Variants in SGPL1 observed in about 807,000 individuals in gnomAD.
SGPL1 encodes SP-lyase 1.
In SGPL1, 37 loss-of-function variants were observed where a neutral mutation model predicts 68.9. The observed-to-expected ratio is 0.54, with a 90% confidence interval of 0.41 to 0.71. The LOEUF (loss-of-function observed/expected upper bound fraction) is 0.71, where lower values mean the gene tolerates loss of function less well. Ranked by LOEUF, SGPL1 falls within the 30% of genes least tolerant of loss-of-function variation. The pLI is 0.00. For missense variants in SGPL1, 551 were observed against 704.6 expected (o/e 0.78, Z 2.47); for synonymous variants, 236 against 248.5 (o/e 0.95, Z 0.47).
chr10:70,818,365 C>T (rs1845277208), intron 2 of SGPL1, among the ~76,000 whole-genome samples: 1 of 152,230 alleles, frequency 6.6e-6, no homozygotes, highest in African/African-American at 2.4e-5. Flanking sequence ...GGTGATCCAC[C>T]TGCCTTGGTC....
intron 2 of SGPL1, among the ~76,000 whole-genome samples, chr10:70,841,758 C>T (rs981189218): frequency 6.6e-6 from 1 of 152,112 alleles, no homozygotes; most frequent in African/African-American, 2.4e-5. Context: ...TTTTTCTAAG[C>T]TTTCATGTTC....
intron 5 of SGPL1, 74 bp from the exon 6 acceptor site, chr10:70,857,530 AGTTTCTTCCT>A (rs1845984768): frequency 2.8e-6 from 3 of 1,065,766 alleles, no homozygotes; most frequent in Non-Finnish European, 4.3e-6. Context: ...TATCCAGAGG[AGTTTCTTCCT>A]GTTTCTTCTT....
chr10:70,835,735 C>CAA (rs66962270), intron 2 of SGPL1, among the ~76,000 whole-genome samples: 1,287 of 70,062 alleles, frequency 0.018, 17 homozygotes, highest in Non-Finnish European at 0.029. Context: ...GACTCCGTCT[C>CAA]AAAAAAAAAA....
chr10:70,855,843 A>G (rs1381243108), intron 5 of SGPL1, among the ~76,000 whole-genome samples: 1 of 152,214 alleles, frequency 6.6e-6, no homozygotes, highest in Non-Finnish European at 1.5e-5. Context: ...AAACTAAAAA[A>G]TTAACATTGG....
intron 10 of SGPL1, among the ~76,000 whole-genome samples, chr10:70,871,520 C>T (rs1319153329): frequency 6.6e-6 from 1 of 152,180 alleles, no homozygotes; most frequent in Non-Finnish European, 1.5e-5. Context: ...GTGACTGAGG[C>T]AGGACCTTTC....
chr10:70,874,319 G>A (rs186081242), intron 12 of SGPL1, among the ~76,000 whole-genome samples: 3 of 152,262 alleles, frequency 2.0e-5, no homozygotes, highest in South Asian at 2.1e-4. Flanking sequence ...CGGTGGCTCC[G>A]GCCTGTAATC....
intron 7 of SGPL1, chr10:70,866,803 C>T (rs1277916587): frequency 6.6e-6 from 1 of 152,228 alleles, no homozygotes; most frequent in Non-Finnish European, 1.5e-5. Flanking sequence ...TCACATGTTT[C>T]ATAAAGACTT....
At chr10:70,867,633 T>C (rs916914100) in intron 7 of SGPL1, among the ~76,000 whole-genome samples, 10 of 151,922 alleles carry the variant, frequency 6.6e-5, no homozygotes, top group Non-Finnish European at 2.9e-5. Flanking sequence ...GAATTTGTCA[T>C]GAACAGACTG....
At position 70,880,007 on chromosome 10, in the gene SGPL1, ATC is replaced by A. The variant is rs1355454271; in HGVS notation, c.*2676_*2677del. The A allele has an allele frequency of 5.9e-5, 9 of 152,530 alleles. No homozygotes were observed. The highest frequency in any genetic ancestry group is 3.3e-4 in the Admixed American group (5 of 15,284). 9.4% of individuals were successfully genotyped at this position (152,530 alleles called of 1,614,324 possible). A position where few individuals can be genotyped will look rare whatever the true frequency, so the allele number is the denominator to read the frequency against. ...GGAAAATGGTACTTGCTTCTTTTAA[ATC>A]TCTGTCTTCTCTAACCTCCCCCTTC... On this transcript the variant is annotated 3_prime_UTR_variant, in exon 15 of 15. Coordinates refer to ENST00000373202, the MANE Select transcript of SGPL1 (RefSeq NM_003901.4).
intron 5 of SGPL1, among the ~76,000 whole-genome samples, chr10:70,856,404 A>G (rs549638702): frequency 6.6e-6 from 1 of 152,234 alleles, no homozygotes; most frequent in South Asian, 2.1e-4. Context: ...AGTGGTTAGC[A>G]CTCTAAAACC....
intron 7 of SGPL1, among the ~76,000 whole-genome samples, chr10:70,863,139 A>G (rs948790734): frequency 2.6e-5 from 4 of 152,008 alleles, no homozygotes; most frequent in African/African-American, 9.7e-5. Context: ...GGCATGCACC[A>G]CCATGCCTCG....
chr10:70,861,109 A>T (rs1394569022), intron 7 of SGPL1, among the ~76,000 whole-genome samples: 1 of 150,656 alleles, frequency 6.6e-6, no homozygotes, highest in Non-Finnish European at 1.5e-5. Flanking sequence ...GCCTTCAATC[A>T]GCCATTTATC....
In SGPL1 at chr10:70,854,789, G is replaced by A. The variant is rs1845938649; in HGVS notation, c.343G>A (p.Ala115Thr). The A allele has an allele frequency of 1.2e-6, 2 of 1,614,010 alleles. No individual in the cohort carries two copies. The highest frequency in any genetic ancestry group is 2.7e-5 in the African/African-American group (2 of 75,050). ...GAAAGTGGACAAAGAGTATGTGAAAGCTTTACCCTCCCAGGGTCTGAGCTC... is the reference window on the plus strand; with the variant it reads ...GAAAGTGGACAAAGAGTATGTGAAAACTTTACCCTCCCAGGGTCTGAGCTC... ...FLKVDKEYVK[A>T]LPSQGLSSSA... Residue 115 changes from alanine to threonine, a missense_variant, in exon 5 of 15, where the codon GCT becomes ACT. Physicochemically the swap from Ala to Thr is moderately conservative, Grantham distance 58 (BLOSUM62 0). Transcript: ENST00000373202.
At chr10:70,827,376 A>G (rs1483783932) in intron 2 of SGPL1, among the ~76,000 whole-genome samples, 1 of 152,128 alleles carries the variant, frequency 6.6e-6, no homozygotes, top group African/African-American at 2.4e-5. Context: ...TAGTTCTATT[A>G]TTAATAGATT....
At chr10:70,837,922 G>A (rs1016724946) in intron 2 of SGPL1, among the ~76,000 whole-genome samples, 5 of 152,128 alleles carry the variant, frequency 3.3e-5, no homozygotes, top group South Asian at 2.1e-4. Context: ...AAGTGAGCAC[G>A]CGAGCTAGAG....
At chr10:70,851,299 G>A in intron 4 of SGPL1, 89 bp downstream of exon 4, 1 of 1,167,054 alleles carries the variant, frequency 8.6e-7, no homozygotes, top group Non-Finnish European at 1.3e-6. Context: ...TCTCAAAGTG[G>A]AGGGGTGATT....
chr10:70,842,191 AT>A (rs1380123021), intron 2 of SGPL1, among the ~76,000 whole-genome samples: 1 of 152,058 alleles, frequency 6.6e-6, no homozygotes. Context: ...CATTTACATT[AT>A]TTTTTCCCTT....
intron 13 of SGPL1, among the ~76,000 whole-genome samples, chr10:70,876,240 G>T (rs1271221131): frequency 2.0e-5 from 3 of 152,172 alleles, no homozygotes; most frequent in Non-Finnish European, 4.4e-5. Context: ...CTCATTGATG[G>T]TGACGTGGTT....
At chr10:70,857,417 A>C (rs1845983073) in intron 5 of SGPL1, 197 bp from the exon 6 acceptor site, 1 of 507,012 alleles carries the variant, frequency 2.0e-6, no homozygotes, top group Non-Finnish European at 3.5e-6. Context: ...TGCTGATAAT[A>C]ATGATTTTTC....
Sources: allele counts gnomAD v4.1 joint callset (sites outside exome capture counted in the v4.1 genomes callset), GRCh38; gene constraint gnomAD v4.1.1; transcripts MANE v1.5; gene names NCBI Gene and HGNC (gene_info 2026-07-23, HGNC 2026-07-21).